MACF1: variants seen among roughly 807,000 people sequenced by gnomAD.
MACF1 encodes the protein microtubule actin crosslinking factor 1.
In MACF1, 193 loss-of-function variants were observed where a neutral mutation model predicts 854.8. The observed-to-expected ratio is 0.23, with a 90% confidence interval of 0.20 to 0.25. The LOEUF is 0.25. MACF1 is among the 10% of genes least tolerant of loss of function. The pLI is 1.00. For synonymous variants in MACF1, 3,185 were observed against 3,226.7 expected (o/e 0.99, Z 0.44); for missense variants, 7,722 against 8,929.1 (o/e 0.86, Z 5.45).
At chr1:39,318,752 G>A in intron 30 of MACF1, 137 bp downstream of exon 30, 2 of 975,274 alleles carry the variant, frequency 2.1e-6, no homozygotes, top group African/African-American at 1.6e-5. Context: ...AGTGGTTTGA[G>A]CAGGATCGTC....
At chr1:39,219,072 C>T (rs1214343727) in intron 1 of MACF1, among the ~76,000 whole-genome samples, 1 of 152,164 alleles carries the variant, frequency 6.6e-6, no homozygotes, top group East Asian at 1.9e-4. Flanking sequence ...TGAGCCATCA[C>T]ACCCGGCAGA....
At chr1:39,405,882 CT>C (rs201320427) in intron 58 of MACF1, among the ~76,000 whole-genome samples, 3,932 of 143,636 alleles carry the variant, frequency 0.027, 111 homozygotes, top group East Asian at 0.16. Flanking sequence ...TGAACAGATG[CT>C]TTTTTTTTTT....
intron 97 of MACF1, 22 bp downstream of exon 97, chr1:39,469,637 C>T (rs777394323): frequency 1.8e-5 from 27 of 1,534,240 alleles, no homozygotes; most frequent in Middle Eastern, 3.3e-4. Context: ...AGCTTTGTCC[C>T]TCTTCCTCAC....
rs6680962 is a variant in MACF1 at position 39,209,300 on chromosome 1, G to C, written c.109+4169G>C. Among the ~76,000 whole-genome samples the C allele has an allele frequency of 9.2e-3, 1,406 of 152,196 alleles. 22 individuals carry two copies. Among genetic ancestry groups the C allele is most frequent in the African/African-American group, 0.032 (1,336 of 41,538 alleles). On this transcript the variant is annotated intron_variant, in intron 1 of 100. Coordinates refer to ENST00000564288, the MANE Select transcript of MACF1 (RefSeq NM_001394062.1). ...AGCTGTAAACTGTAGCAGGAACCAT[G>C]CCCTGTTCATTTGTCTATTAAGAGG...
At chr1:39,373,808 G>A (rs907373265) in intron 52 of MACF1, among the ~76,000 whole-genome samples, 11 of 150,600 alleles carry the variant, frequency 7.3e-5, no homozygotes, top group South Asian at 4.2e-4. Context: ...AGCCAAGATC[G>A]TGCCACTGTA....
At chr1:39,126,787 CA>C (rs900798070) in intron 2 of MACF1, among the ~76,000 whole-genome samples, 7 of 138,232 alleles carry the variant, frequency 5.1e-5, no homozygotes, top group Non-Finnish European at 3.1e-5. Flanking sequence ...ACTCTGTCTC[CA>C]AAAAAAAAAC....
intron 2 of MACF1, among the ~76,000 whole-genome samples, chr1:39,234,019 T>C (rs1644820665): frequency 6.9e-6 from 1 of 144,670 alleles, no homozygotes; most frequent in Non-Finnish European, 1.5e-5. Flanking sequence ...TTCAAGCATC[T>C]GTTTAACAAA....
Position 39,446,743 on chromosome 1 carries a change from CT to C in MACF1, c.19606-687del, listed in dbSNP as rs535502337. ...TTAGTGTAGGTCTCTGAGGATGGAG[CT>C]TATGAACTCTGTGGGATTGAAGCGT... On this transcript the variant is annotated intron_variant, in intron 80 of 100. Coordinates refer to ENST00000564288, the MANE Select transcript of MACF1 (RefSeq NM_001394062.1). 2.3e-3 allele frequency among the ~76,000 whole-genome samples: 339 copies of C among 148,650 alleles called. 2 individuals carry two copies. Among genetic ancestry groups the C allele is most frequent in the Non-Finnish European group, 4.3e-3 (285 of 66,530 alleles).
chr1:39,355,833 G>A (rs1647511164), intron 44 of MACF1, among the ~76,000 whole-genome samples: 1 of 152,108 alleles, frequency 6.6e-6, no homozygotes, highest in African/African-American at 2.4e-5. Flanking sequence ...TACGATCATA[G>A]CTCACTGTAA....
At chr1:39,111,283 A>AC (rs1642396161) in intron 2 of MACF1, among the ~76,000 whole-genome samples, 2 of 151,918 alleles carry the variant, frequency 1.3e-5, no homozygotes, top group Admixed American at 1.3e-4. Flanking sequence ...CTAACCTCAA[A>AC]CCCCCGGGCT....
At chr1:39,364,324 A>G (rs1042358879) in intron 49 of MACF1, among the ~76,000 whole-genome samples, 11 of 147,358 alleles carry the variant, frequency 7.5e-5, no homozygotes, top group African/African-American at 2.7e-4. Context: ...CTGTTCATGT[A>G]TTTTGTCATT....
intron 58 of MACF1, among the ~76,000 whole-genome samples, chr1:39,416,989 T>G (rs1355341888): frequency 1.3e-5 from 2 of 152,036 alleles, no homozygotes; most frequent in East Asian, 1.9e-4. Context: ...TTTTAAAAGG[T>G]TTTTCCAAGA....
chr1:39,335,710 T>C lies in MACF1; in HGVS notation c.9122T>C (p.Ile3041Thr), dbSNP rs746621208. Residue 3041 changes from isoleucine (I) to threonine (T), a missense_variant, in exon 37 of 101, where the codon ATT (isoleucine) becomes ACT (threonine). Around this residue, in one of 15 missense-constraint regions of MACF1, gnomAD observed 854 missense variants for 852.6 expected, o/e 1.00. Transcript: ENST00000564288. ...ATGGGATTTTCTATTACTTTTAAAA[T>C]TGAAGAGTCCTCTTCCCAAGTGGTA... The part of the protein sequence containing the change: ...TEMGFSITFK[I>T]EESSSQVVPQ... 4 of 1,613,384 alleles carry C rather than the reference T, an allele frequency of 2.5e-6. No individual in the cohort carries two copies. The highest frequency in any genetic ancestry group is 2.7e-5 in the African/African-American group (2 of 74,930).
At chr1:39,102,223 G>A (rs1174746505) in intron 2 of MACF1, among the ~76,000 whole-genome samples, 1 of 151,838 alleles carries the variant, frequency 6.6e-6, no homozygotes, top group Non-Finnish European at 1.5e-5. Flanking sequence ...AAGAGAGAGA[G>A]AAAGAAAAGA....
rs759567508 is a variant in MACF1 at position 39,332,339 on chromosome 1, A to T, written c.5751A>T (p.Leu1917Phe). ...TGGATAGAGATCTTGCCAATAACTT[A>T]AAATCGATTTGTATACCTGATGTGA... ...GILDRDLANN[L>F]KSICIPDVMP... Residue 1917 changes from leucine (L) to phenylalanine (F), a missense_variant, in exon 37 of 101, where the codon TTA (leucine) becomes TTT (phenylalanine). By Grantham distance (22) the Leu-to-Phe change is conservative. Coordinates refer to ENST00000564288, the MANE Select transcript of MACF1 (RefSeq NM_001394062.1). 25 of 1,614,106 alleles carry T rather than the reference A, an allele frequency of 1.5e-5. No individual in the cohort carries two copies. Among genetic ancestry groups the T allele is most frequent in the Non-Finnish European group, 2.0e-5 (24 of 1,180,032 alleles).
intron 5 of MACF1, among the ~76,000 whole-genome samples, chr1:39,255,343 G>A (rs1327701223): frequency 6.6e-6 from 1 of 152,172 alleles, no homozygotes; most frequent in East Asian, 1.9e-4. Context: ...CAGAGGGAGG[G>A]GTGAAGATAC....
intron 2 of MACF1, among the ~76,000 whole-genome samples, chr1:39,190,390 TG>T (rs2148246634): frequency 2.0e-5 from 2 of 102,194 alleles, no homozygotes; most frequent in Non-Finnish European, 2.1e-5. Flanking sequence ...TGTGTGTGTG[TG>T]TTTGTTTTTG....
chr1:39,315,492 T>C, intron 26 of MACF1, 21 bp from the exon 27 acceptor site: 3 of 1,612,970 alleles, frequency 1.9e-6, no homozygotes, highest in Non-Finnish European at 2.5e-6. Context: ...TCCCTCTTTA[T>C]GTGTGTCTTG....
At position 39,332,824 on chromosome 1, in the gene MACF1, A is replaced by C; in HGVS notation, c.6236A>C (p.Gln2079Pro). ...TEDSSVENPE[Q>P]DLFVEQKERN... is the part of the protein sequence containing the mutation. The stretch of plus-strand genomic sequence containing the variant: ...GATTCTTCTGTAGAGAACCCTGAAC[A>C]GGATCTGTTTGTAGAACAAAAAGAG... The change falls in exon 37 of 101, where the codon CAG becomes CCG. Residue 2079 changes from glutamine to proline, a missense_variant. Gln to Pro is a moderately conservative substitution (Grantham distance 76). Around this residue, in one of 15 missense-constraint regions of MACF1, gnomAD observed 1,531 missense variants for 1,601.6 expected, o/e 0.96. Coordinates refer to ENST00000564288, the MANE Select transcript of MACF1 (RefSeq NM_001394062.1). 2.5e-6 allele frequency: 4 copies of C among 1,614,152 alleles called. No individual in the cohort carries two copies. Among genetic ancestry groups the C allele is most frequent in the Non-Finnish European group, 3.4e-6 (4 of 1,180,018 alleles).
Sources: allele counts gnomAD v4.1 joint callset (sites outside exome capture counted in the v4.1 genomes callset), GRCh38; gene constraint gnomAD v4.1.1; regional missense constraint gnomAD v4.1.1; transcripts MANE v1.5; gene names NCBI Gene and HGNC (gene_info 2026-07-23, HGNC 2026-07-21).